DHRSX: variants seen among roughly 807,000 people sequenced by gnomAD.
DHRSX encodes dehydrogenase/reductase X-linked.
A neutral mutation model predicts 34.0 loss-of-function variants in DHRSX; 31 were observed. The ratio of observed to expected loss-of-function variants is 0.91; its 90% CI spans 0.69 to 1.23. DHRSX has a LOEUF of 1.23. DHRSX is among the 50% of genes most tolerant of loss of function. The pLI is 0.00. For missense variants in DHRSX, 414 were observed against 428.1 expected (o/e 0.97, Z 0.29); for synonymous variants, 201 against 183.8 (o/e 1.09, Z -0.76).
At chrX:2,357,457 C>G (rs1211096405) in intron 3 of DHRSX, among the ~76,000 whole-genome samples, 6 of 151,958 alleles carry the variant, frequency 3.9e-5, no homozygotes, top group Admixed American at 2.6e-4. Context: ...CAACCTCATC[C>G]TGATGAAACC....
intron 1 of DHRSX, among the ~76,000 whole-genome samples, chrX:2,470,205 G>A (rs1446650289): frequency 2.7e-5 from 4 of 150,846 alleles, no homozygotes; most frequent in Admixed American, 1.3e-4. Context: ...ACGCATAAAC[G>A]CAGAGAGTGC....
intron 3 of DHRSX, among the ~76,000 whole-genome samples, chrX:2,377,886 G>C (rs780908164): frequency 6.6e-6 from 1 of 151,912 alleles, no homozygotes; most frequent in Admixed American, 6.6e-5. Context: ...CTACAGGTGC[G>C]TGCCACCACA....
intron 1 of DHRSX, among the ~76,000 whole-genome samples, chrX:2,483,782 A>G (rs1025248901): frequency 1.6e-5 from 2 of 125,766 alleles, no homozygotes; most frequent in Non-Finnish European, 3.2e-5. Context: ...AAAAAGGGAA[A>G]AAGTGGCAAA....
At chrX:2,318,909 C>G (rs1260377330) in intron 3 of DHRSX, among the ~76,000 whole-genome samples, 1 of 152,062 alleles carries the variant, frequency 6.6e-6, no homozygotes, top group Admixed American at 6.6e-5. Context: ...GATCAAGACC[C>G]CTTTCCAGTA....
intron 3 of DHRSX, among the ~76,000 whole-genome samples, chrX:2,313,455 G>A (rs111655570): frequency 0.074 from 11,293 of 151,602 alleles, 940 homozygotes; most frequent in African/African-American, 0.2. Flanking sequence ...TGCAACCTCC[G>A]CCTCCCAGGT....
chrX:2,346,857 T>C (rs62583730), intron 3 of DHRSX, among the ~76,000 whole-genome samples: 4 of 151,868 alleles, frequency 2.6e-5, no homozygotes, highest in Non-Finnish European at 5.9e-5. Flanking sequence ...TGTCCATGTG[T>C]TCTCATTGTT....
chrX:2,499,191 C>T (rs2045352088), intron 1 of DHRSX, among the ~76,000 whole-genome samples: 1 of 152,116 alleles, frequency 6.6e-6, no homozygotes, highest in Non-Finnish European at 1.5e-5. Flanking sequence ...AAGCGCTTCG[C>T]CTGGCTGACT....
At chrX:2,301,341 G>C (rs1017813131) in intron 3 of DHRSX, among the ~76,000 whole-genome samples, 5 of 152,188 alleles carry the variant, frequency 3.3e-5, no homozygotes, top group African/African-American at 1.2e-4. Flanking sequence ...TTGAACCTGG[G>C]AGGCGGAGGT....
chrX:2,320,176 T>G (rs905167084), intron 3 of DHRSX, among the ~76,000 whole-genome samples: 1 of 151,644 alleles, frequency 6.6e-6, no homozygotes, highest in Admixed American at 6.6e-5. Flanking sequence ...CATTTACATC[T>G]CAGTGTCCCT....
intron 3 of DHRSX, among the ~76,000 whole-genome samples, chrX:2,358,843 C>T (rs951512877): frequency 2.6e-5 from 4 of 151,324 alleles, no homozygotes; most frequent in Non-Finnish European, 5.9e-5. Context: ...AAGCTACTTG[C>T]GAGGCTGAGG....
At chrX:2,399,859 C>T (rs1430463833) in intron 3 of DHRSX, among the ~76,000 whole-genome samples, 1 of 151,402 alleles carries the variant, frequency 6.6e-6, no homozygotes, top group African/African-American at 2.4e-5. Context: ...ATAATGAGAC[C>T]CCGTCTCTAG....
At chrX:2,443,588 T>C (rs1273712217) in intron 1 of DHRSX, among the ~76,000 whole-genome samples, 3 of 152,192 alleles carry the variant, frequency 2.0e-5, no homozygotes, top group African/African-American at 7.2e-5. Flanking sequence ...ATTTGGGCTC[T>C]GCTCTTATTT....
intron 1 of DHRSX, among the ~76,000 whole-genome samples, chrX:2,465,378 C>A (rs1234984980): frequency 6.6e-6 from 1 of 152,134 alleles, no homozygotes; most frequent in African/African-American, 2.4e-5. Flanking sequence ...TCCCTTAAGT[C>A]TCCCCATCCC....
Position 2,392,422 on chromosome X carries a change from G to A in DHRSX, c.286+16323C>T, listed in dbSNP as rs181122501. 3.7e-4 allele frequency: 109 copies of A among 293,844 alleles called. 2 individuals are homozygous for A. The East Asian group carries it at 6.8e-3, about 18-fold the overall frequency. 18.2% of individuals were successfully genotyped at this position (293,844 alleles called of 1,614,324 possible). ...CTCGAGAGGCTGAGGTGGGAGGATC[G>A]CTTGAGTTCCAGAGGCAAAGCCAGC... On this transcript the variant is annotated intron_variant, in intron 3 of 6. Transcript: ENST00000334651.
intron 6 of DHRSX, among the ~76,000 whole-genome samples, chrX:2,234,460 C>G (rs2015968229): frequency 6.6e-6 from 1 of 152,254 alleles, no homozygotes; most frequent in Non-Finnish European, 1.5e-5. Context: ...TCAGTACCTC[C>G]TTCCCTGCCT....
At chrX:2,304,362 T>TGG (rs2042075683) in intron 3 of DHRSX, among the ~76,000 whole-genome samples, 2 of 147,988 alleles carry the variant, frequency 1.4e-5, no homozygotes, top group Admixed American at 1.4e-4. Context: ...GATGGATGGA[T>TGG]AGATGGATGG....
At chrX:2,254,628 C>T (rs1270594603) in intron 5 of DHRSX, among the ~76,000 whole-genome samples, 1 of 152,016 alleles carries the variant, frequency 6.6e-6, no homozygotes, top group Non-Finnish European at 1.5e-5. Flanking sequence ...GAAAATACTG[C>T]GAATAAAGAG....
chrX:2,282,530 G>C (rs768785437), intron 4 of DHRSX, among the ~76,000 whole-genome samples: 1 of 146,292 alleles, frequency 6.8e-6, no homozygotes, highest in East Asian at 2.1e-4. Context: ...GACAGGAAGA[G>C]AAAGGAGATA....
chrX:2,252,620 G>A (rs1224751989), intron 5 of DHRSX, among the ~76,000 whole-genome samples: 1 of 152,180 alleles, frequency 6.6e-6, no homozygotes, highest in East Asian at 1.9e-4. Flanking sequence ...GGTTGGTTCT[G>A]TAATTATGGT....
Sources: gnomAD v4.1 joint callset for allele counts (sites outside exome capture counted in the v4.1 genomes callset) on GRCh38, gnomAD v4.1.1 for gene constraint, MANE v1.5 for transcripts, NCBI Gene and HGNC (gene_info 2026-07-23, HGNC 2026-07-21) for gene names.